NEB: variants seen among roughly 807,000 people sequenced by gnomAD.
NEB encodes nemaline myopathy type 2.
In NEB, 512 loss-of-function variants were observed where a neutral mutation model predicts 952.2. The ratio of observed to expected loss-of-function variants is 0.54; its 90% CI spans 0.50 to 0.58. NEB has a LOEUF of 0.58. Among genes scored for constraint, NEB ranks in the 20% least tolerant of loss-of-function variants. The pLI, the probability that NEB is intolerant of heterozygous loss-of-function variation, is 0.00. For missense variants in NEB, 8,428 were observed against 9,231.1 expected (o/e 0.91, Z 3.56); for synonymous variants, 2,900 against 3,149.8 (o/e 0.92, Z 2.66).
Position 151,506,927 on chromosome 2 carries a change from A to ATTTTC in NEB, c.23533_23537dup (p.Asn7846LysfsTer28). 6.2e-7 allele frequency: 1 copy of ATTTTC among 1,606,734 alleles called. No individual in the cohort carries two copies. The highest frequency in any genetic ancestry group is 8.5e-7 in the Non-Finnish European group (1 of 1,174,830). On this transcript the variant is annotated frameshift_variant, in exon 163 of 182. Coordinates refer to ENST00000397345, the MANE Select transcript of NEB (RefSeq NM_001164508.2). LOFTEE classifies it high-confidence loss of function. ...AATATACCGAGCTGAAATTCTTCTG[A>ATTTTC]TTTTCTTTTACACGCAGTATTTCTG...
At chr2:151,651,495 T>A (rs927047965) in intron 52 of NEB, among the ~76,000 whole-genome samples, 4 of 152,186 alleles carry the variant, frequency 2.6e-5, no homozygotes, top group African/African-American at 9.7e-5. Flanking sequence ...TATAACCTTG[T>A]CCTGTTTGGG....
chr2:151,496,766 G>A (rs1187024531), intron 172 of NEB, among the ~76,000 whole-genome samples, 175 bp downstream of exon 172: 3 of 151,902 alleles, frequency 2.0e-5, no homozygotes, highest in Non-Finnish European at 2.9e-5. Context: ...AAAATTAACT[G>A]TATTATGGAA....
intron 27 of NEB, among the ~76,000 whole-genome samples, chr2:151,686,689 A>T (rs1024443527): frequency 1.3e-5 from 2 of 152,170 alleles, no homozygotes; most frequent in African/African-American, 4.8e-5. Context: ...TTTCATCATT[A>T]AAAAAACTAG....
At position 151,490,396 on chromosome 2, in the gene NEB, C is replaced by T. The variant is rs745909054; in HGVS notation, c.25273G>A (p.Gly8425Arg). 8.2e-6 allele frequency: 13 copies of T among 1,592,576 alleles called. No homozygotes were observed. Among genetic ancestry groups the T allele is most frequent in the South Asian group, 4.6e-5 (4 of 87,500 alleles). ...CCTGTTGAGACTGCAAAGACACCCC[C>T]GTCGCTGTAAGTCGAAAGGTGGTGG... ...PDHHLSTYSD[G>R]GVFAVSTAYK... The change falls in exon 180 of 182, where the codon GGG becomes AGG. Residue 8425 changes from glycine (G) to arginine (R), a missense_variant. Gly to Arg is a moderately radical substitution (Grantham distance 125). Coordinates refer to ENST00000397345, the MANE Select transcript of NEB (RefSeq NM_001164508.2).
chr2:151,519,994 A>G (rs928283296), intron 153 of NEB: 5 of 364,738 alleles, frequency 1.4e-5, no homozygotes, highest in African/African-American at 1.0e-4. Context: ...TCATTTTTAT[A>G]TTATTCCAAG....
At chr2:151,647,347 T>G (rs2154126174) in intron 54 of NEB, among the ~76,000 whole-genome samples, 1 of 152,186 alleles carries the variant, frequency 6.6e-6, no homozygotes, top group African/African-American at 2.4e-5. Flanking sequence ...TGATCGCAGG[T>G]GATCCACCTG....
intron 153 of NEB, 86 bp downstream of exon 153, chr2:151,524,225 C>G (rs1247673169): frequency 4.3e-6 from 5 of 1,167,708 alleles, no homozygotes; most frequent in Non-Finnish European, 6.3e-6. Flanking sequence ...CATCCCTTTG[C>G]ATTTTCAATC....
rs148653052 is a variant in NEB, at chr2:151,556,216, T to C, written c.19315-1172A>G. 1.0e-3 allele frequency among the ~76,000 whole-genome samples: 157 copies of C among 152,336 alleles called. 1 individual carries two copies. The highest frequency in any genetic ancestry group is 9.2e-3 in the East Asian group (48 of 5,190). On this transcript the variant is annotated intron_variant, in intron 124 of 181. Coordinates refer to ENST00000397345, the MANE Select transcript of NEB (RefSeq NM_001164508.2). ...GAAGTTTATTTCTAAGCTGTGCATCTGTAAGCCCAGTAGAGTAGTGAAATC... is the reference window on the plus strand; with the variant it reads ...GAAGTTTATTTCTAAGCTGTGCATCCGTAAGCCCAGTAGAGTAGTGAAATC...
intron 55 of NEB, 45 bp from the exon 56 acceptor site, chr2:151,644,620 G>T: frequency 7.0e-7 from 1 of 1,431,024 alleles, no homozygotes; most frequent in South Asian, 1.1e-5. Context: ...GTTCCCCATA[G>T]ACAAATATAG....
At chr2:151,574,777 G>T (rs1461908814) in intron 107 of NEB, among the ~76,000 whole-genome samples, 1 of 146,270 alleles carries the variant, frequency 6.8e-6, no homozygotes, top group Non-Finnish European at 1.5e-5. Context: ...TGTCACCCAG[G>T]CTGGACTGCA....
intron 10 of NEB, among the ~76,000 whole-genome samples, chr2:151,713,880 G>A (rs1468146964): frequency 1.3e-5 from 2 of 152,174 alleles, no homozygotes; most frequent in East Asian, 3.8e-4. Context: ...CAAACGGAAG[G>A]TAACATTAGT....
Position 151,547,685 on chromosome 2 carries a change from G to T in NEB, c.20211C>A (p.Pro6737=). 1.2e-6 allele frequency: 2 copies of T among 1,613,642 alleles called. No individual in the cohort carries two copies. The highest frequency in any genetic ancestry group is 3.3e-4 in the Middle Eastern group (2 of 6,058). The change falls in exon 132 of 182, where the codon CCC becomes CCA. Residue 6737 remains proline (P), a synonymous_variant. Coordinates refer to ENST00000397345, the MANE Select transcript of NEB (RefSeq NM_001164508.2). The part of the protein sequence containing the change: ...HKLKDKIHTT[P]DTPEIRQVKK... Reference sequence around the variant, plus strand: ...TGACTTGGCGGATCTCAGGGGTATCGGGAGTTGTATGGATCTTGTCTTTCA... The same window carrying T: ...TGACTTGGCGGATCTCAGGGGTATCTGGAGTTGTATGGATCTTGTCTTTCA...
chr2:151,697,296 C>T (rs369331223), intron 15 of NEB, 44 bp from the exon 16 acceptor site: 9 of 1,608,018 alleles, frequency 5.6e-6, no homozygotes, highest in Non-Finnish European at 7.7e-6. Context: ...CCATTGTATT[C>T]ATGCCCTGAG....
intron 24 of NEB, 103 bp from the exon 25 acceptor site, chr2:151,688,499 T>C: frequency 1.2e-6 from 1 of 822,016 alleles, no homozygotes; most frequent in Non-Finnish European, 2.0e-6. Flanking sequence ...GAAAAATGCC[T>C]CAAAGAGATA....
At chr2:151,516,854 G>A (rs544356647) in intron 156 of NEB, among the ~76,000 whole-genome samples, 53 of 152,180 alleles carry the variant, frequency 3.5e-4, no homozygotes, top group Non-Finnish European at 6.9e-4. Flanking sequence ...GCAAGAAAAC[G>A]CATGGGGAAA....
At chr2:151,733,014 G>A in intron 3 of NEB, 107 bp downstream of exon 3, 1 of 935,890 alleles carries the variant, frequency 1.1e-6, no homozygotes. Context: ...GACTCTTTGT[G>A]AAGTTATAAT....
intron 10 of NEB, among the ~76,000 whole-genome samples, chr2:151,713,564 T>C (rs2099751102): frequency 6.6e-6 from 1 of 152,190 alleles, no homozygotes; most frequent in Admixed American, 6.5e-5. Context: ...CTCCAGTTGG[T>C]ATCAGTGGGA....
At position 151,672,475 on chromosome 2, in the gene NEB, T is replaced by C. The variant is rs2099312889; in HGVS notation, c.4193A>G (p.Asp1398Gly). The stretch of plus-strand genomic sequence containing the variant: ...TTTGTAGTTGACATTGGTAGCGACA[T>C]CCTGGGCCATCTTTGCAGCTGTGAT... ...VSITAAKMAQ[D>G]VATNVNYKQP... The change falls in exon 37 of 182, where the codon GAT becomes GGT. Residue 1398 changes from aspartate to glycine, a missense_variant. Asp to Gly is a moderately conservative substitution (Grantham distance 94, BLOSUM62 -1). Transcript: ENST00000397345. The C allele has an allele frequency of 1.2e-6, 2 of 1,614,040 alleles. No individual in the cohort carries two copies. Among genetic ancestry groups the C allele is most frequent in the Admixed American group, 1.7e-5 (1 of 60,026 alleles).
At chr2:151,566,583 G>A (rs920337303) in intron 114 of NEB, among the ~76,000 whole-genome samples, 2 of 152,202 alleles carry the variant, frequency 1.3e-5, no homozygotes, top group Admixed American at 6.5e-5. Context: ...AAGGCTGGTG[G>A]CAAGTAGAGA....
Sources: allele counts gnomAD v4.1 joint callset (sites outside exome capture counted in the v4.1 genomes callset), GRCh38; gene constraint gnomAD v4.1.1; transcripts MANE v1.5; gene names NCBI Gene and HGNC (gene_info 2026-07-23, HGNC 2026-07-21).